SNX29: variants seen among roughly 807,000 people sequenced by gnomAD.
SNX29 encodes the protein sorting nexin-29.
A neutral mutation model predicts 102.1 loss-of-function variants in SNX29; 78 were observed. The observed-to-expected ratio is 0.76, with a 90% CI of 0.64 to 0.92. The LOEUF (loss-of-function observed/expected upper bound fraction) is 0.92. SNX29 is among the 40% of genes least tolerant of loss of function. SNX29 has a pLI of 0.00. For missense variants in SNX29, 1,280 were observed against 1,061.7 expected (o/e 1.21, Z -2.86); for synonymous variants, 580 against 414.5 (o/e 1.40, Z -4.85).
At chr16:12,510,987 C>T (rs2151917589) in intron 19 of SNX29, among the ~76,000 whole-genome samples, 1 of 152,166 alleles carries the variant, frequency 6.6e-6, no homozygotes, top group South Asian at 2.1e-4. Context: ...CACAGAGTCT[C>T]ACTCTGTCGC....
intron 14 of SNX29, among the ~76,000 whole-genome samples, chr16:12,243,699 G>C (rs531368931): frequency 2.2e-4 from 34 of 152,252 alleles, no homozygotes; most frequent in East Asian, 1.9e-3. Flanking sequence ...CCATTTAGAA[G>C]ACATCAGAGG....
Position 12,568,710 on chromosome 16 carries a change from C to T in SNX29, c.*81C>T, listed in dbSNP as rs1163926572. The stretch of plus-strand genomic sequence containing the variant: ...AGCCACTGCCGCTGGCCCCTCACCT[C>T]AGCGTGACAACCACGTCCACCTGGT... On this transcript the variant is annotated 3_prime_UTR_variant, in exon 21 of 21. Transcript: ENST00000566228. The T allele has an allele frequency of 2.6e-6, 4 of 1,547,988 alleles. No homozygotes were observed. Among genetic ancestry groups the T allele is most frequent in the East Asian group, 2.3e-5 (1 of 43,322 alleles).
At chr16:12,051,809 T>A in intron 7 of SNX29, 38 bp from the exon 8 acceptor site, 1 of 1,588,556 alleles carries the variant, frequency 6.3e-7, no homozygotes, top group Admixed American at 1.9e-5. Flanking sequence ...TCTTGCCTCC[T>A]TTTTCTTATA....
chr16:12,533,836 A>T (rs755526250), intron 20 of SNX29, among the ~76,000 whole-genome samples: 1 of 152,178 alleles, frequency 6.6e-6, no homozygotes, highest in Non-Finnish European at 1.5e-5. Flanking sequence ...CACCAGGCTG[A>T]TTCCTGTTAT....
chr16:12,268,750 G>T (rs2079006819), intron 14 of SNX29, among the ~76,000 whole-genome samples: 1 of 152,132 alleles, frequency 6.6e-6, no homozygotes, highest in Admixed American at 6.5e-5. Flanking sequence ...CACACTGTTT[G>T]CATCTGGGTC....
chr16:12,385,887 C>A (rs2083323755), intron 16 of SNX29, among the ~76,000 whole-genome samples: 2 of 152,188 alleles, frequency 1.3e-5, no homozygotes, highest in Admixed American at 6.5e-5. Context: ...GGATGTGCAG[C>A]CTCCTGGGCT....
rs1314457100 is a variant in SNX29, at chr16:12,446,024, A to T, written c.2038-31695A>T. ...GCTTCCATGCAGCTCCTGGACGTGC[A>T]GTTGAAACAGTAGCTTCTCATTCTT... On this transcript the variant is annotated intron_variant, in intron 18 of 20. Coordinates refer to ENST00000566228, the MANE Select transcript of SNX29 (RefSeq NM_032167.5). Among the ~76,000 whole-genome samples the T allele has an allele frequency of 4.0e-5, 6 of 150,500 alleles. No individual in the cohort carries two copies. The East Asian group carries it at 1.2e-3, about 29-fold the overall frequency.
intron 18 of SNX29, among the ~76,000 whole-genome samples, chr16:12,465,231 A>T (rs906166797): frequency 6.6e-6 from 1 of 151,992 alleles, no homozygotes; most frequent in African/African-American, 2.4e-5. Flanking sequence ...ATGTAGTCCA[A>T]CTTATTTTGT....
At chr16:12,165,305 G>A (rs1472857239) in intron 13 of SNX29, among the ~76,000 whole-genome samples, 4 of 152,240 alleles carry the variant, frequency 2.6e-5, no homozygotes, top group African/African-American at 9.6e-5. Flanking sequence ...CCCTTTTGCA[G>A]TGTGCTTTCT....
chr16:11,991,652 C>G (rs1049704719), intron 1 of SNX29, among the ~76,000 whole-genome samples: 5 of 151,748 alleles, frequency 3.3e-5, no homozygotes, highest in Non-Finnish European at 7.4e-5. Flanking sequence ...AAGTGATTCT[C>G]CTGCCTCAGC....
At chr16:12,275,977 C>G (rs1259017129) in intron 14 of SNX29, among the ~76,000 whole-genome samples, 1 of 148,712 alleles carries the variant, frequency 6.7e-6, no homozygotes, top group East Asian at 2.0e-4. Flanking sequence ...GCTGCAATCT[C>G]CGTCTCCCTG....
At chr16:12,540,004 T>G (rs1419178707) in intron 20 of SNX29, among the ~76,000 whole-genome samples, 6 of 152,228 alleles carry the variant, frequency 3.9e-5, no homozygotes, top group Non-Finnish European at 7.3e-5. Context: ...CTTTTCAGTG[T>G]CTTTTGCATG....
rs375611450 is a variant in SNX29, at chr16:12,567,559, G to C, written c.2319-947G>C. ...CAGCACTTTAGGAGGCTGAGCAAGA[G>C]GATCACTTGAGACCAGCCTGGACAA... On this transcript the variant is annotated intron_variant, in intron 20 of 20. Coordinates refer to ENST00000566228, the MANE Select transcript of SNX29 (RefSeq NM_032167.5). Among the ~76,000 whole-genome samples the C allele has an allele frequency of 5.0e-4, 76 of 152,154 alleles. 2 individuals carry two copies. In the South Asian group the frequency reaches 0.011, roughly 22 times the overall value.
At chr16:12,482,230 A>G (rs150557837) in intron 19 of SNX29, among the ~76,000 whole-genome samples, 10 of 152,270 alleles carry the variant, frequency 6.6e-5, no homozygotes, top group African/African-American at 2.4e-4. Flanking sequence ...TCTAGACAAG[A>G]CGTGTTTGGG....
chr16:12,283,456 A>G (rs910684552), intron 15 of SNX29, among the ~76,000 whole-genome samples: 1 of 151,922 alleles, frequency 6.6e-6, no homozygotes, highest in Non-Finnish European at 1.5e-5. Flanking sequence ...AGTAGCTGGG[A>G]CTACAGGCAC....
chr16:12,413,892 C>CT (rs1209052340), intron 18 of SNX29, among the ~76,000 whole-genome samples: 1 of 144,010 alleles, frequency 6.9e-6, no homozygotes, highest in Non-Finnish European at 1.5e-5. Context: ...CCTTGCTTGT[C>CT]TGGGGGGGAT....
intron 20 of SNX29, among the ~76,000 whole-genome samples, chr16:12,562,440 T>G (rs1275231939): frequency 6.6e-6 from 1 of 152,218 alleles, no homozygotes; most frequent in East Asian, 1.9e-4. Context: ...CACAGCTTGC[T>G]AGTTTGACTT....
intron 15 of SNX29, among the ~76,000 whole-genome samples, chr16:12,312,648 C>T (rs1596863306): frequency 6.6e-6 from 1 of 150,926 alleles, no homozygotes; most frequent in African/African-American, 2.4e-5. Flanking sequence ...CAAGAACCTT[C>T]TTTGCTGAGT....
At chr16:12,191,662 G>C (rs986336474) in intron 13 of SNX29, among the ~76,000 whole-genome samples, 20 of 152,226 alleles carry the variant, frequency 1.3e-4, no homozygotes, top group African/African-American at 4.8e-4. Flanking sequence ...GGCGGGGTTG[G>C]AGTTAGGGTC....
Sources: gnomAD v4.1 joint callset for allele counts (sites outside exome capture counted in the v4.1 genomes callset) on GRCh38, gnomAD v4.1.1 for gene constraint, MANE v1.5 for transcripts, NCBI Gene and HGNC (gene_info 2026-07-23, HGNC 2026-07-21) for gene names.